The following FAM163B variants were observed in gnomAD, a reference collection of about 807,000 sequenced individuals.
FAM163B encodes the protein family with sequence similarity 163 member B, also known as protein FAM163B.
A neutral mutation model predicts 7.6 loss-of-function variants in FAM163B; 4 were observed. The ratio of observed to expected loss-of-function variants is 0.52; its 90% CI spans 0.26 to 1.20. The LOEUF is 1.20. Ranked by LOEUF, FAM163B falls within the 50% of genes most tolerant of loss-of-function variation. The pLI is 0.14. For missense variants in FAM163B, 250 were observed against 243.0 expected (o/e 1.03, Z -0.19); for synonymous variants, 120 against 111.6 (o/e 1.07, Z -0.47).
intron 1 of FAM163B, among the ~76,000 whole-genome samples, chr9:133,580,892 C>A: frequency 6.6e-6 from 1 of 152,212 alleles, no homozygotes; most frequent in South Asian, 2.1e-4. Flanking sequence ...TTTCATCTTG[C>A]AAAACTGAAA....
chr9:133,578,913 G>A lies in FAM163B; in HGVS notation c.*109C>T, dbSNP rs1271020588. The A allele has an allele frequency of 2.1e-6, 3 of 1,432,592 alleles. No homozygotes were observed. The highest frequency in any genetic ancestry group is 2.9e-5 in the African/African-American group (2 of 69,556). The allele number at this position is 1,432,592 out of a possible 1,614,324, so 88.7% of individuals were successfully genotyped here. A position where few individuals can be genotyped will look rare whatever the true frequency, so the allele number is the denominator to read the frequency against. On this transcript the variant is annotated 3_prime_UTR_variant, in exon 3 of 3. Transcript: ENST00000673969. ...CCTCCCCTGAGGACAGGGATTCCAG[G>A]AGGGCTCAGCCAAGCCCCACTTGGG...
rs1160015848 is a variant in FAM163B, at chr9:133,579,349, C to T, written c.174G>A (p.Leu58=). The T allele has an allele frequency of 3.8e-5, 61 of 1,613,254 alleles. No homozygotes were observed. The highest frequency in any genetic ancestry group is 5.5e-5 in the South Asian group (5 of 90,928). ...DFAVHSHLPP[L]HSNRNLVLTN... ...TCAGCACCAGGTTGCGGTTGGAGTG[C>T]AGCGGGGGCAGGTGCGAGTGAACGG... Residue 58 remains leucine (L), a synonymous_variant, in exon 3 of 3, where the codon CTG becomes CTA. Coordinates refer to ENST00000673969, the MANE Select transcript of FAM163B (RefSeq NM_001080515.3).
rs1249934908 is a variant in FAM163B, at chr9:133,578,457, G to A, written c.*565C>T. The A allele has an allele frequency of 6.6e-6, 1 of 152,626 alleles. No homozygotes were observed. Among genetic ancestry groups the A allele is most frequent in the Non-Finnish European group, 1.5e-5 (1 of 68,374 alleles). The allele number at this position is 152,626 out of a possible 1,614,324, so 9.5% of individuals were successfully genotyped here. A position where few individuals can be genotyped will look rare whatever the true frequency, so the allele number is the denominator to read the frequency against. On this transcript the variant is annotated 3_prime_UTR_variant, in exon 3 of 3. Coordinates refer to ENST00000673969, the MANE Select transcript of FAM163B (RefSeq NM_001080515.3). ...CAGCCTAGGCAGACACTTGGCCCTT[G>A]AACCCGGAAGAGTGTGTGTGTGAGA...
At chr9:133,586,925 G>A (rs1479034104) in intron 1 of FAM163B, among the ~76,000 whole-genome samples, 2 of 152,210 alleles carry the variant, frequency 1.3e-5, no homozygotes, top group Non-Finnish European at 2.9e-5. Context: ...GGCTTTCCCA[G>A]GTGGTGGCGT....
In FAM163B at chr9:133,579,199, C is replaced by G; in HGVS notation, c.324G>C (p.Pro108=). 6.2e-7 allele frequency: 1 copy of G among 1,612,168 alleles called. No homozygotes were observed. The highest frequency in any genetic ancestry group is 8.5e-7 in the Non-Finnish European group (1 of 1,179,806). The stretch of plus-strand genomic sequence containing the variant: ...CGTTCAGCACGTCCTCTTCCTCCTC[C>G]GGCGGCTCCTGCAGGAAGAAGGTGG... ...EPPTFFLQEP[P]EEEEDVLNGG... is the part of the protein sequence containing the mutation. The change falls in exon 3 of 3, where the codon CCG becomes CCC. Residue 108 remains proline (P), a synonymous_variant. Coordinates refer to ENST00000673969, the MANE Select transcript of FAM163B (RefSeq NM_001080515.3).
intron 1 of FAM163B, among the ~76,000 whole-genome samples, chr9:133,587,701 T>C (rs1831461824): frequency 6.6e-6 from 1 of 152,016 alleles, no homozygotes; most frequent in Non-Finnish European, 1.5e-5. Context: ...CTGGGCCTCC[T>C]GGAGATGAGT....
intron 1 of FAM163B, among the ~76,000 whole-genome samples, chr9:133,583,927 C>T (rs1366210601): frequency 2.0e-5 from 3 of 152,190 alleles, no homozygotes; most frequent in Non-Finnish European, 4.4e-5. Flanking sequence ...GCTCCACCAG[C>T]GCCCAGCCTG....
intron 1 of FAM163B, among the ~76,000 whole-genome samples, chr9:133,588,667 G>C (rs74338941): frequency 6.1e-5 from 1 of 16,288 alleles, no homozygotes; most frequent in South Asian, 1.7e-3. Flanking sequence ...AGCATGCTGA[G>C]GGATCTAGCA....
At chr9:133,608,038 G>T (rs1453791019) in intron 1 of FAM163B, among the ~76,000 whole-genome samples, 1 of 152,338 alleles carries the variant, frequency 6.6e-6, no homozygotes, top group African/African-American at 2.4e-5. Flanking sequence ...ACTTTTTGGG[G>T]GTTGGTAATT....
At chr9:133,588,612 C>T (rs28706389) in intron 1 of FAM163B, among the ~76,000 whole-genome samples, 66 of 2,362 alleles carry the variant, frequency 0.028, no homozygotes, top group East Asian at 0.21. Flanking sequence ...ATCTAGGATG[C>T]TGAAGGATCT....
chr9:133,603,698 C>T (rs1342439710), intron 1 of FAM163B, among the ~76,000 whole-genome samples: 5 of 152,334 alleles, frequency 3.3e-5, no homozygotes, highest in East Asian at 3.9e-4. Flanking sequence ...TCCTTCAGGG[C>T]TTAGCTCAAG....
chr9:133,607,766 C>T (rs901419514), intron 1 of FAM163B, among the ~76,000 whole-genome samples: 1 of 152,198 alleles, frequency 6.6e-6, no homozygotes, highest in African/African-American at 2.4e-5. Context: ...CCAGCAAGTG[C>T]AAGACCGAAT....
At chr9:133,602,915 A>G (rs1024531276) in intron 1 of FAM163B, among the ~76,000 whole-genome samples, 1 of 152,186 alleles carries the variant, frequency 6.6e-6, no homozygotes, top group Non-Finnish European at 1.5e-5. Context: ...AGCAGTGGCT[A>G]GTTTTGAACC....
rs539095846 is a variant in FAM163B, at chr9:133,607,463, C to T, written c.-24+1614G>A. Among the ~76,000 whole-genome samples the T allele has an allele frequency of 3.1e-4, 47 of 152,312 alleles. 1 individual carries two copies. Among genetic ancestry groups the T allele is most frequent in the Admixed American group, 2.6e-3 (40 of 15,302 alleles). The stretch of plus-strand genomic sequence containing the variant: ...GGCGAGGGTGGAGAAGCTGCAACAC[C>T]TCTGTGTGCCAGGATTCTGAGTGGT... On this transcript the variant is annotated intron_variant, in intron 1 of 2. Coordinates refer to ENST00000673969, the MANE Select transcript of FAM163B (RefSeq NM_001080515.3).
Position 133,601,776 on chromosome 9 carries a change from G to A in FAM163B, c.-24+7301C>T, listed in dbSNP as rs1044274710. 6.6e-6 allele frequency among the ~76,000 whole-genome samples: 1 copy of A among 152,192 alleles called. No homozygotes were observed. The highest frequency in any genetic ancestry group is 1.5e-5 in the Non-Finnish European group (1 of 68,036). ...GAGCCACAGCCACACAAAACCACCAGCCATCTGACCACCATGGCGTCAGGG... is the reference window on the plus strand; with the variant it reads ...GAGCCACAGCCACACAAAACCACCAACCATCTGACCACCATGGCGTCAGGG... On this transcript the variant is annotated intron_variant, in intron 1 of 2. Coordinates refer to ENST00000673969, the MANE Select transcript of FAM163B (RefSeq NM_001080515.3). The surrounding 1 kb of genome is among the most constrained non-coding windows in gnomAD (Gnocchi z 4.1).
intron 1 of FAM163B, among the ~76,000 whole-genome samples, chr9:133,607,087 C>G (rs1171478175): frequency 6.6e-6 from 1 of 152,210 alleles, no homozygotes; most frequent in Non-Finnish European, 1.5e-5. Context: ...AACTGCTCTG[C>G]ACTCCCTCAA....
At chr9:133,597,606 A>G (rs1438207164) in intron 1 of FAM163B, among the ~76,000 whole-genome samples, 1 of 152,192 alleles carries the variant, frequency 6.6e-6, no homozygotes, top group Non-Finnish European at 1.5e-5. Flanking sequence ...AAATTGGATG[A>G]TATTATAAAC....
At chr9:133,594,503 C>T (rs1454009049) in intron 1 of FAM163B, among the ~76,000 whole-genome samples, 1 of 151,968 alleles carries the variant, frequency 6.6e-6, no homozygotes, top group African/African-American at 2.4e-5. Context: ...CTGGAGCAAG[C>T]CTTTCCTGAT....
chr9:133,591,526 C>T (rs553617191), intron 1 of FAM163B, among the ~76,000 whole-genome samples: 2 of 152,320 alleles, frequency 1.3e-5, no homozygotes, highest in South Asian at 4.1e-4. Flanking sequence ...CTGGTCCAGT[C>T]CTCCCTGGTG....
Sources: allele counts gnomAD v4.1 joint callset (sites outside exome capture counted in the v4.1 genomes callset), GRCh38; gene constraint gnomAD v4.1.1; non-coding constraint Gnocchi (gnomAD v3.1); transcripts MANE v1.5; gene names NCBI Gene and HGNC (gene_info 2026-07-23, HGNC 2026-07-21).